EPM2A: variants seen among roughly 807,000 people sequenced by gnomAD.
EPM2A encodes the protein laforin.
A neutral mutation model predicts 26.5 loss-of-function variants in EPM2A; 21 were observed. The observed-to-expected ratio is 0.79, with a 90% confidence interval of 0.56 to 1.14. The LOEUF (loss-of-function observed/expected upper bound fraction) is 1.14. Among genes scored for constraint, EPM2A ranks in the 50% most tolerant of loss-of-function variants. EPM2A has a pLI of 0.00. For synonymous variants in EPM2A, 217 were observed against 177.6 expected, an observed-to-expected ratio of 1.22 and a Z score of -1.76; for missense variants, 458 against 440.8, an observed-to-expected ratio of 1.04 and a Z score of -0.35.
chr6:145,581,510 T>C (rs1056222615), intron 2 of EPM2A, among the ~76,000 whole-genome samples: 2 of 152,232 alleles, frequency 1.3e-5, no homozygotes, highest in Admixed American at 6.5e-5. Flanking sequence ...TTAGGTCTAA[T>C]TTGTCAATTT....
At chr6:145,709,706 C>G (rs1181794313) in intron 1 of EPM2A, among the ~76,000 whole-genome samples, 1 of 152,006 alleles carries the variant, frequency 6.6e-6, no homozygotes, top group Non-Finnish European at 1.5e-5. Context: ...AAATATAATT[C>G]TAGTAGCTTG....
At chr6:145,594,298 A>C (rs184266455) in intron 2 of EPM2A, among the ~76,000 whole-genome samples, 17 of 152,024 alleles carry the variant, frequency 1.1e-4, no homozygotes, top group Admixed American at 5.2e-4. Flanking sequence ...CCCTCAAGAA[A>C]AAAAATATAA....
chr6:145,443,405 T>C (rs1327612274), intron 4 of EPM2A, among the ~76,000 whole-genome samples: 1 of 152,216 alleles, frequency 6.6e-6, no homozygotes, highest in Non-Finnish European at 1.5e-5. Context: ...TCTGATTTCT[T>C]TGAGCAGTGT....
At position 145,686,303 on chromosome 6, in the gene EPM2A, C is replaced by T. The variant is rs1780909090; in HGVS notation, c.302-7G>A. 3.1e-6 allele frequency: 5 copies of T among 1,611,590 alleles called. No individual in the cohort carries two copies. The highest frequency in any genetic ancestry group is 4.2e-6 in the Non-Finnish European group (5 of 1,178,190). On this transcript the variant is annotated splice_polypyrimidine_tract_variant and splice_region_variant and intron_variant, in intron 1 of 3. Transcript: ENST00000367519. ...TCATGATGAGGTCCATTGCCTAGAA[C>T]AAGAAAAAATGATAAACAGAGCAAT...
rs1776134576 is a variant in EPM2A, at chr6:145,725,120, A to T, written c.301+10078T>A. ...CAAAATATACACAGAACTCTTAAAAATCATGAATTTAAAAATGAAAAGATC... is the reference window on the plus strand; with the variant it reads ...CAAAATATACACAGAACTCTTAAAATTCATGAATTTAAAAATGAAAAGATC... On this transcript the variant is annotated intron_variant, in intron 1 of 3. Coordinates refer to ENST00000367519, the MANE Select transcript of EPM2A (RefSeq NM_005670.4). Among the ~76,000 whole-genome samples, 7 of 149,758 alleles carry T rather than the reference A, an allele frequency of 4.7e-5. No homozygotes were observed. The Admixed American group carries it at 4.8e-4, about 10-fold the overall frequency.
intron 2 of EPM2A, among the ~76,000 whole-genome samples, chr6:145,649,565 C>T (rs567018190): frequency 1.3e-5 from 2 of 152,286 alleles, no homozygotes; most frequent in African/African-American, 2.4e-5. Context: ...GTGAAGACAG[C>T]TCTCTATGGG....
chr6:145,713,753 G>A (rs1375405071), intron 1 of EPM2A, among the ~76,000 whole-genome samples: 2 of 152,054 alleles, frequency 1.3e-5, no homozygotes, highest in African/African-American at 2.4e-5. Context: ...CCCAATACAA[G>A]TAAAAACATA....
At chr6:145,496,728 A>ATGT (rs779194973), downstream of EPM2A, among the ~76,000 whole-genome samples, 138 of 106,888 alleles carry the variant, frequency 1.3e-3, 14 homozygotes, top group East Asian at 0.016. Context: ...AGTTCCTGCA[A>ATGT]TTTTTTTTTT....
intron 2 of EPM2A, among the ~76,000 whole-genome samples, chr6:145,675,044 G>A (rs757863299): frequency 1.3e-5 from 2 of 152,096 alleles, no homozygotes; most frequent in Non-Finnish European, 2.9e-5. Flanking sequence ...AGAAAGGTCG[G>A]GTTACCCACA....
At chr6:145,528,777 CT>C (rs1248830104) in intron 2 of EPM2A, among the ~76,000 whole-genome samples, 1 of 152,010 alleles carries the variant, frequency 6.6e-6, no homozygotes, top group Non-Finnish European at 1.5e-5. Flanking sequence ...AGAAATACAT[CT>C]CATAGAGCTA....
intron 4 of EPM2A, among the ~76,000 whole-genome samples, chr6:145,408,495 C>T (rs977028847): frequency 6.6e-6 from 1 of 152,180 alleles, no homozygotes; most frequent in African/African-American, 2.4e-5. Context: ...ACGTTACTCT[C>T]TCTGGGTTTC....
chr6:145,408,077 C>T (rs1221191605), intron 4 of EPM2A, among the ~76,000 whole-genome samples: 4 of 152,090 alleles, frequency 2.6e-5, no homozygotes, highest in African/African-American at 9.7e-5. Flanking sequence ...CTCCTTTTTG[C>T]CTTAAATTTG....
chr6:145,625,928 G>T lies in EPM2A; in HGVS notation c.*1488C>A. On this transcript the variant is annotated 3_prime_UTR_variant, in exon 4 of 4. Transcript: ENST00000367519. ...ATCATAGTTTAATTAGGAAAGTAAG[G>T]GCTTTGAATCAAACCCAGCTTTGTA... 1 of 1,377,284 alleles carries T rather than the reference G, an allele frequency of 7.3e-7. No homozygotes were observed. 85.3% of individuals were successfully genotyped at this position (1,377,284 alleles called of 1,614,324 possible).
intron 2 of EPM2A, among the ~76,000 whole-genome samples, chr6:145,669,609 A>G (rs697052): frequency 1.3e-5 from 2 of 152,212 alleles, no homozygotes; most frequent in African/African-American, 4.8e-5. Flanking sequence ...ACTGAAAAAC[A>G]TCATATAAAA....
intron 4 of EPM2A, among the ~76,000 whole-genome samples, chr6:145,410,234 GA>G: frequency 6.6e-6 from 1 of 152,300 alleles, no homozygotes; most frequent in South Asian, 2.1e-4. Context: ...TAGATTTGAA[GA>G]ATGGTAAGAT....
chr6:145,449,929 T>C (rs1203764346), intron 4 of EPM2A, among the ~76,000 whole-genome samples: 2 of 151,912 alleles, frequency 1.3e-5, no homozygotes, highest in South Asian at 2.1e-4. Context: ...ACAATGGATA[T>C]ATAAAAAGGA....
At position 145,561,813 on chromosome 6, in the gene EPM2A, G is replaced by A. The variant is rs543712075; in HGVS notation, c.341-59238C>T. ...GCAGAAACCTGGTTGTTGTTTACAT[G>A]TTGCAAATTCTAAGATCTGAAATTA... On this transcript the variant is annotated intron_variant, in intron 2 of 3. Coordinates refer to the EPM2A transcript ENST00000450221. 2.6e-5 allele frequency among the ~76,000 whole-genome samples: 4 copies of A among 152,156 alleles called. No individual in the cohort carries two copies. In the South Asian group the frequency reaches 8.3e-4, roughly 32 times the overall value.
At chr6:145,690,248 C>T (rs1353777053) in intron 1 of EPM2A, among the ~76,000 whole-genome samples, 5 of 152,198 alleles carry the variant, frequency 3.3e-5, no homozygotes, top group African/African-American at 4.8e-5. Context: ...CGGTGGCTCA[C>T]GCCTGTAATC....
At chr6:145,564,735 T>C (rs560474880) in intron 2 of EPM2A, among the ~76,000 whole-genome samples, 2 of 143,156 alleles carry the variant, frequency 1.4e-5, no homozygotes, top group South Asian at 4.6e-4. Flanking sequence ...TGCAGATATG[T>C]ATGAGTACAC....
Sources: allele counts gnomAD v4.1 joint callset (sites outside exome capture counted in the v4.1 genomes callset), GRCh38; gene constraint gnomAD v4.1.1; transcripts MANE v1.5; gene names NCBI Gene and HGNC (gene_info 2026-07-23, HGNC 2026-07-21).